The following EDA variants were observed in gnomAD, a reference collection of about 807,000 sequenced individuals.
EDA encodes ectodysplasin A, also known as ectodysplasin-A.
A neutral mutation model predicts 23.6 loss-of-function variants in EDA; 2 were observed. The observed-to-expected ratio is 0.08, with a 90% CI of 0.03 to 0.27. The LOEUF (loss-of-function observed/expected upper bound fraction) is 0.27, where lower values mean the gene tolerates loss of function less well. Among genes scored for constraint, EDA ranks in the 10% least tolerant of loss-of-function variants. The pLI, the probability that EDA is intolerant of heterozygous loss-of-function variation, is 1.00. For synonymous variants in EDA, 131 were observed against 132.0 expected (o/e 0.99, Z 0.05); for missense variants, 229 against 324.2 (o/e 0.71, Z 2.26).
At chrX:69,923,994 C>T (rs991015938) in intron 1 of EDA, among the ~76,000 whole-genome samples, 5 of 110,908 alleles carry the variant, frequency 4.5e-5, no homozygotes, top group South Asian at 3.8e-4. Context: ...CTGTTCATAT[C>T]GTTTGCCCAC....
At chrX:69,633,758 C>T (rs1269955686) in intron 1 of EDA, among the ~76,000 whole-genome samples, 1 of 112,280 alleles carries the variant, frequency 8.9e-6, no homozygotes, top group Admixed American at 9.4e-5. Context: ...TCTATTTTGT[C>T]TATTGATGAA....
chrX:69,942,318 T>C (rs906241481), intron 1 of EDA, among the ~76,000 whole-genome samples: 1 of 111,773 alleles, frequency 8.9e-6, no homozygotes, highest in African/African-American at 3.3e-5. Flanking sequence ...TTATTACTTA[T>C]TAATGTTCTT....
chrX:69,827,939 G>A (rs1340942642), intron 1 of EDA, among the ~76,000 whole-genome samples: 1 of 111,078 alleles, frequency 9.0e-6, no homozygotes, highest in Non-Finnish European at 1.9e-5. Context: ...TCAGCTGCAG[G>A]TCTGTTGGAG....
chrX:70,003,626 A>C (rs373307562), intron 2 of EDA, among the ~76,000 whole-genome samples: 2 of 112,015 alleles, frequency 1.8e-5, no homozygotes, highest in Non-Finnish European at 3.8e-5. Context: ...CTGTTTCCAC[A>C]ACCCCAGTAT....
chrX:69,824,214 G>A, intron 1 of EDA, among the ~76,000 whole-genome samples: 1 of 110,671 alleles, frequency 9.0e-6, no homozygotes, highest in African/African-American at 3.3e-5. Flanking sequence ...CTTTAAAGTA[G>A]TTTTTTCCAA....
intron 1 of EDA, among the ~76,000 whole-genome samples, chrX:69,643,484 T>TG (rs1932865490): frequency 9.0e-6 from 1 of 111,151 alleles, no homozygotes; most frequent in Non-Finnish European, 1.9e-5. Flanking sequence ...TTGTTTAATT[T>TG]CCTTGTAGAC....
chrX:69,837,591 C>T (rs774361829), intron 1 of EDA, among the ~76,000 whole-genome samples: 1 of 112,458 alleles, frequency 8.9e-6, no homozygotes, highest in Admixed American at 9.4e-5. Flanking sequence ...TCTGTTTCTA[C>T]TCACTCTGTA....
intron 1 of EDA, among the ~76,000 whole-genome samples, chrX:69,834,495 A>G (rs2016713070): frequency 9.4e-6 from 1 of 105,877 alleles, no homozygotes. Flanking sequence ...TGTTGGTTTA[A>G]AGTCTGTTTT....
At chrX:69,905,449 G>C (rs73226440) in intron 1 of EDA, among the ~76,000 whole-genome samples, 12 of 108,978 alleles carry the variant, frequency 1.1e-4, no homozygotes, top group African/African-American at 3.0e-4. Flanking sequence ...TTTTAATGCC[G>C]AAAACCCAGA....
chrX:69,766,517 C>T (rs889739049), intron 1 of EDA, among the ~76,000 whole-genome samples: 1 of 111,292 alleles, frequency 9.0e-6, no homozygotes, highest in African/African-American at 3.3e-5. Context: ...CATTTAGCTC[C>T]CACTTATAAG....
chrX:69,766,694 G>A (rs992233056), intron 1 of EDA, among the ~76,000 whole-genome samples: 8 of 112,100 alleles, frequency 7.1e-5, no homozygotes, highest in Non-Finnish European at 1.9e-5. Flanking sequence ...GTCTGTCATT[G>A]GTGGGCATTT....
chrX:69,755,135 G>T (rs1016101048), intron 1 of EDA, among the ~76,000 whole-genome samples: 1 of 111,660 alleles, frequency 9.0e-6, no homozygotes, highest in Non-Finnish European at 1.9e-5. Flanking sequence ...GAGAAGAGGC[G>T]CTCTGATTTT....
chrX:69,758,867 C>A (rs914799147), intron 1 of EDA, among the ~76,000 whole-genome samples: 2 of 111,764 alleles, frequency 1.8e-5, no homozygotes, highest in African/African-American at 6.5e-5. Flanking sequence ...ACAACAACAA[C>A]AAAAAACCCA....
intron 1 of EDA, among the ~76,000 whole-genome samples, chrX:69,850,331 CT>C (rs748452448): frequency 2.7e-5 from 3 of 112,121 alleles, no homozygotes; most frequent in Non-Finnish European, 5.6e-5. Context: ...ACTTTTTGCC[CT>C]TTTACAAGGT....
At chrX:70,020,829 CA>C (rs2020023470) in intron 2 of EDA, among the ~76,000 whole-genome samples, 1 of 111,660 alleles carries the variant, frequency 9.0e-6, no homozygotes, top group Admixed American at 9.5e-5. Context: ...TGACATTTTT[CA>C]TCTGATCCCA....
chrX:69,620,923 C>G (rs1177591547), intron 1 of EDA: 2 of 380,718 alleles, frequency 5.3e-6, no homozygotes. Context: ...CTTGCTAAGC[C>G]TGTGACCTGT....
At chrX:69,676,785 A>G (rs902293948) in intron 1 of EDA, among the ~76,000 whole-genome samples, 9 of 110,684 alleles carry the variant, frequency 8.1e-5, no homozygotes, top group African/African-American at 3.0e-4. Flanking sequence ...GCCCTCCATA[A>G]TATGAGCCCA....
In EDA at chrX:70,038,818, A is replaced by G. The variant is rs1015329512; in HGVS notation, c.*3209A>G. The G allele has an allele frequency of 1.8e-5, 2 of 112,475 alleles. No individual in the cohort carries two copies. The highest frequency in any genetic ancestry group is 6.5e-5 in the African/African-American group (2 of 30,862). The allele number at this position is 112,475 out of a possible 1,213,427, so 9.3% of individuals were successfully genotyped here. ...TTAGAGGGAATCTAGCCCAACCTAC[A>G]TTCCACCCTGTTACTTATGTAGAAA... On this transcript the variant is annotated 3_prime_UTR_variant, in exon 8 of 8. Transcript: ENST00000374552.
chrX:69,914,479 A>G (rs1267553481), intron 1 of EDA, among the ~76,000 whole-genome samples: 5 of 111,425 alleles, frequency 4.5e-5, no homozygotes, highest in Non-Finnish European at 9.4e-5. Flanking sequence ...TTTACCTTTT[A>G]ATTTTATTTT....
Sources: gnomAD v4.1 joint callset for allele counts (sites outside exome capture counted in the v4.1 genomes callset) on GRCh38, gnomAD v4.1.1 for gene constraint, MANE v1.5 for transcripts, NCBI Gene and HGNC (gene_info 2026-07-23, HGNC 2026-07-21) for gene names.